THSD7B: variants seen among roughly 807,000 people sequenced by gnomAD.
THSD7B encodes the protein thrombospondin type 1 domain containing 7B.
THSD7B carries 138 observed loss-of-function variants against 213.6 expected under a neutral mutation model. That is an observed-to-expected ratio of 0.65 (90% confidence interval 0.56 to 0.74). The LOEUF (loss-of-function observed/expected upper bound fraction) is 0.74. THSD7B is among the 30% of genes least tolerant of loss of function. The pLI, the probability that THSD7B is intolerant of heterozygous loss-of-function variation, is 0.00. For missense variants in THSD7B, 1,931 were observed against 1,991.5 expected (o/e 0.97, Z 0.58); for synonymous variants, 742 against 687.0 (o/e 1.08, Z -1.25).
intron 14 of THSD7B, among the ~76,000 whole-genome samples, chr2:137,446,381 A>G (rs975951349): frequency 6.6e-6 from 1 of 152,046 alleles, no homozygotes; most frequent in Non-Finnish European, 1.5e-5. Flanking sequence ...GTCTTTGGGG[A>G]TTAGAAATAT....
chr2:137,172,371 A>G (rs1478986234), intron 7 of THSD7B, among the ~76,000 whole-genome samples: 5 of 152,074 alleles, frequency 3.3e-5, no homozygotes, highest in Admixed American at 2.0e-4. Flanking sequence ...ATTTCAGTTC[A>G]CCCACTGGAA....
chr2:136,875,926 T>G (rs1000925111), intron 1 of THSD7B, among the ~76,000 whole-genome samples: 2 of 152,206 alleles, frequency 1.3e-5, no homozygotes, highest in African/African-American at 4.8e-5. Flanking sequence ...TCATTTGAAC[T>G]CATAATCCTT....
chr2:136,839,516 T>A (rs1682892201), intron 1 of THSD7B, among the ~76,000 whole-genome samples: 1 of 152,196 alleles, frequency 6.6e-6, no homozygotes, highest in East Asian at 1.9e-4. Flanking sequence ...CCTTTAATAT[T>A]ATTGTTTCAC....
intron 17 of THSD7B, among the ~76,000 whole-genome samples, chr2:137,595,638 A>G (rs1478688793): frequency 1.3e-5 from 2 of 151,974 alleles, no homozygotes; most frequent in African/African-American, 2.4e-5. Context: ...TAAACAGAAA[A>G]TGGACTATCT....
At chr2:136,999,215 T>C (rs1685957580) in intron 2 of THSD7B, among the ~76,000 whole-genome samples, 1 of 152,178 alleles carries the variant, frequency 6.6e-6, no homozygotes, top group Non-Finnish European at 1.5e-5. Context: ...TACCCTACTT[T>C]TCTGGCACAA....
chr2:136,909,158 G>C (rs1255559647), intron 2 of THSD7B, among the ~76,000 whole-genome samples: 1 of 152,110 alleles, frequency 6.6e-6, no homozygotes, highest in Non-Finnish European at 1.5e-5. Flanking sequence ...ACTCCAGCCT[G>C]GGTAACAGAG....
chr2:137,408,318 TCCC>T (rs1273921235), intron 13 of THSD7B, among the ~76,000 whole-genome samples: 2 of 151,900 alleles, frequency 1.3e-5, no homozygotes, highest in Non-Finnish European at 2.9e-5. Flanking sequence ...TTTTTCTCCT[TCCC>T]CCTTCTCCTT....
At chr2:136,918,601 G>T (rs1007884222) in intron 2 of THSD7B, among the ~76,000 whole-genome samples, 11 of 152,154 alleles carry the variant, frequency 7.2e-5, no homozygotes, top group Non-Finnish European at 1.6e-4. Flanking sequence ...CTGCTAAAAG[G>T]GTTTGTAACT....
At chr2:137,524,063 G>T (rs1680235052) in intron 15 of THSD7B, among the ~76,000 whole-genome samples, 1 of 152,052 alleles carries the variant, frequency 6.6e-6, no homozygotes, top group South Asian at 2.1e-4. Flanking sequence ...AACTGCATAT[G>T]TGTTTACTGC....
intron 2 of THSD7B, among the ~76,000 whole-genome samples, chr2:136,905,277 G>A (rs565076451): frequency 6.6e-6 from 1 of 152,108 alleles, no homozygotes; most frequent in Admixed American, 6.6e-5. Flanking sequence ...ATCTTCCATG[G>A]TACTTATTGT....
At chr2:136,860,373 G>T (rs2115839) in intron 1 of THSD7B, among the ~76,000 whole-genome samples, 119,427 of 152,146 alleles carry the variant, frequency 0.78, 47,175 homozygotes, top group Middle Eastern at 0.93. Context: ...GCCCAAGGCT[G>T]TCCTCTAAAC....
intron 12 of THSD7B, among the ~76,000 whole-genome samples, chr2:137,283,443 G>C (rs2104821673): frequency 6.6e-6 from 1 of 152,210 alleles, no homozygotes; most frequent in African/African-American, 2.4e-5. Flanking sequence ...ATGTTGAATA[G>C]GAGTGGTGAG....
intron 12 of THSD7B, among the ~76,000 whole-genome samples, chr2:137,280,943 T>C (rs891033699): frequency 3.3e-5 from 5 of 152,132 alleles, no homozygotes; most frequent in Non-Finnish European, 5.9e-5. Context: ...GACTTTCCAG[T>C]ATTTTTCTTT....
At chr2:136,883,757 C>T (rs968100208) in intron 2 of THSD7B, among the ~76,000 whole-genome samples, 2 of 152,138 alleles carry the variant, frequency 1.3e-5, no homozygotes, top group Non-Finnish European at 2.9e-5. Flanking sequence ...AAAACAAACT[C>T]TACAGTGGAT....
At chr2:137,373,307 C>A (rs1415352724) in intron 12 of THSD7B, among the ~76,000 whole-genome samples, 4 of 152,182 alleles carry the variant, frequency 2.6e-5, no homozygotes, top group South Asian at 2.1e-4. Flanking sequence ...AGTTTACAGT[C>A]CCACCAACAG....
chr2:137,354,938 A>G (rs1469751501), intron 12 of THSD7B, among the ~76,000 whole-genome samples: 1 of 152,090 alleles, frequency 6.6e-6, no homozygotes, highest in African/African-American at 2.4e-5. Flanking sequence ...GTTATGAAAG[A>G]TTGGAAATAA....
chr2:137,451,056 A>G, intron 15 of THSD7B, 33 bp downstream of exon 15: 1 of 1,502,324 alleles, frequency 6.7e-7, no homozygotes, highest in Non-Finnish European at 8.9e-7. Flanking sequence ...TAAAAAGCTA[A>G]AAAAGCTATC....
chr2:136,913,273 CA>C (rs1337292347), intron 2 of THSD7B, among the ~76,000 whole-genome samples: 1 of 152,130 alleles, frequency 6.6e-6, no homozygotes, highest in Non-Finnish European at 1.5e-5. Context: ...TTGTAAGGAA[CA>C]AAGCATTCAA....
chr2:137,498,789 A>G lies in THSD7B; in HGVS notation c.3138+47766A>G, dbSNP rs141769801. ...GTTATATTGTGACAACATTATCTTC[A>G]TGGTAGCCCTTCCAAAACCCTGAGA... is the stretch of plus-strand genomic sequence containing the variant. On this transcript the variant is annotated intron_variant, in intron 15 of 27. Transcript: ENST00000409968. Among the ~76,000 whole-genome samples, 397 of 152,270 alleles carry G rather than the reference A, an allele frequency of 2.6e-3. 1 individual carries two copies. Among genetic ancestry groups the G allele is most frequent in the Non-Finnish European group, 4.3e-3 (293 of 68,026 alleles).
Sources: gnomAD v4.1 joint callset for allele counts (sites outside exome capture counted in the v4.1 genomes callset) on GRCh38, gnomAD v4.1.1 for gene constraint, MANE v1.5 for transcripts, NCBI Gene and HGNC (gene_info 2026-07-23, HGNC 2026-07-21) for gene names.